DYNC1LI1: variants seen among roughly 807,000 people sequenced by gnomAD.
The protein encoded by DYNC1LI1 is dynein cytoplasmic 1 light intermediate chain 1, also known as cytoplasmic dynein 1 light intermediate chain 1.
In DYNC1LI1, 19 loss-of-function variants were observed where a neutral mutation model predicts 63.8. The ratio of observed to expected loss-of-function variants is 0.30; its 90% CI spans 0.21 to 0.44. The LOEUF is 0.44. Ranked by LOEUF, DYNC1LI1 falls within the 20% of genes least tolerant of loss-of-function variation. DYNC1LI1 has a pLI of 1.00. For synonymous variants in DYNC1LI1, 225 were observed against 232.3 expected (o/e 0.97, Z 0.28); for missense variants, 565 against 630.2 (o/e 0.90, Z 1.11).
At chr3:32,555,208 C>T (rs342728) in intron 2 of DYNC1LI1, among the ~76,000 whole-genome samples, 84,611 of 152,054 alleles carry the variant, frequency 0.56, 24,012 homozygotes, top group African/African-American at 0.65. Context: ...TTATAAACAT[C>T]TTAAGCCCAT....
intron 11 of DYNC1LI1, 79 bp downstream of exon 11, chr3:32,529,461 T>C (rs1418696465): frequency 2.9e-6 from 4 of 1,371,960 alleles, no homozygotes; most frequent in African/African-American, 1.5e-5. Flanking sequence ...AAAATAGTTA[T>C]GGCAAAAGGT....
intron 2 of DYNC1LI1, among the ~76,000 whole-genome samples, chr3:32,548,961 G>A (rs1005396146): frequency 4.6e-5 from 7 of 151,964 alleles, no homozygotes; most frequent in Middle Eastern, 6.8e-3. Flanking sequence ...AAGAAATTAG[G>A]TTTAAAAACA....
At chr3:32,549,869 C>T (rs1698008822) in intron 2 of DYNC1LI1, among the ~76,000 whole-genome samples, 1 of 152,082 alleles carries the variant, frequency 6.6e-6, no homozygotes, top group Non-Finnish European at 1.5e-5. Context: ...TTTATTTCAA[C>T]TTATTTCTTA....
In DYNC1LI1 at chr3:32,529,557, A is replaced by AT. The variant is rs748891796; in HGVS notation, c.1288dup (p.Ile430AsnfsTer2). The AT allele has an allele frequency of 1.2e-6, 2 of 1,601,820 alleles. No individual in the cohort carries two copies. The highest frequency in any genetic ancestry group is 2.1e-4 in the Middle Eastern group (1 of 4,774). ...AGATGTACCTTTCATGTTTGGATCA[A>AT]TTTTTTTTGACCCAGCAGGAATGGG... On this transcript the variant is annotated frameshift_variant, in exon 11 of 13. Transcript: ENST00000273130. LOFTEE classifies it high-confidence loss of function.
intron 2 of DYNC1LI1, among the ~76,000 whole-genome samples, chr3:32,551,052 C>T (rs1698031343): frequency 6.7e-6 from 1 of 149,618 alleles, no homozygotes; most frequent in African/African-American, 2.5e-5. Context: ...TAAACTAAGC[C>T]AAACACTAAG....
intron 4 of DYNC1LI1, among the ~76,000 whole-genome samples, chr3:32,543,157 C>A (rs917993106): frequency 6.6e-6 from 1 of 151,620 alleles, no homozygotes; most frequent in African/African-American, 2.4e-5. Flanking sequence ...CACAGTTCAA[C>A]AACTACTACT....
rs556985128 is a variant in DYNC1LI1 at position 32,540,681 on chromosome 3, C to CAA, written c.738+354_738+355dup. Among the ~76,000 whole-genome samples the CAA allele has an allele frequency of 2.1e-4, 11 of 52,608 alleles. No individual in the cohort carries two copies. The South Asian group carries it at 4.0e-3, about 19-fold the overall frequency. The allele number at this position is 52,608 out of a possible 152,430, so 34.5% of individuals were successfully genotyped here. A position where few individuals can be genotyped will look rare whatever the true frequency, so the allele number is the denominator to read the frequency against. On this transcript the variant is annotated intron_variant, in intron 5 of 12. Transcript: ENST00000273130. ...GGGCAACAAGAGCAAAACTCCGTCT[C>CAA]AAAAAAAAAAAAAAAAAAATTAATG... is the stretch of plus-strand genomic sequence containing the variant.
rs1024220445 is a variant in DYNC1LI1, at chr3:32,526,098, G to A, written c.*701C>T. On this transcript the variant is annotated 3_prime_UTR_variant, in exon 13 of 13. Coordinates refer to ENST00000273130, the MANE Select transcript of DYNC1LI1 (RefSeq NM_016141.4). The stretch of plus-strand genomic sequence containing the variant: ...ATATATATGTATAGACAAATCCAAA[G>A]ATTGTTACTTCTTTACATTTTAATA... 3.3e-5 allele frequency: 5 copies of A among 152,296 alleles called. No individual in the cohort carries two copies. The highest frequency in any genetic ancestry group is 6.6e-5 in the Admixed American group (1 of 15,244). The allele number at this position is 152,296 out of a possible 1,614,324, so 9.4% of individuals were successfully genotyped here.
intron 7 of DYNC1LI1, 34 bp downstream of exon 7, chr3:32,534,477 C>G (rs944197743): frequency 1.1e-5 from 16 of 1,436,838 alleles, no homozygotes; most frequent in Non-Finnish European, 1.5e-5. Context: ...AGCAATAATA[C>G]ATGATAAAAT....
At chr3:32,537,715 A>G (rs1697793384) in intron 5 of DYNC1LI1, among the ~76,000 whole-genome samples, 1 of 150,026 alleles carries the variant, frequency 6.7e-6, no homozygotes, top group African/African-American at 2.5e-5. Flanking sequence ...ATGCTAAGAA[A>G]AATACAAAAA....
intron 2 of DYNC1LI1, among the ~76,000 whole-genome samples, chr3:32,554,251 G>C (rs1698081510): frequency 6.6e-6 from 1 of 152,184 alleles, no homozygotes. Flanking sequence ...TTCTCTGCTA[G>C]AATTTTACAT....
chr3:32,526,586 C>T lies in DYNC1LI1; in HGVS notation c.*213G>A. On this transcript the variant is annotated 3_prime_UTR_variant, in exon 13 of 13. Transcript: ENST00000273130. ...TACTTTCTTATGCAAAATGGCAATG[C>T]AAACAGCAATCCTACATAATGTAGA... 2.7e-6 allele frequency: 1 copy of T among 367,086 alleles called. No homozygotes were observed. Among genetic ancestry groups the T allele is most frequent in the East Asian group, 4.2e-5 (1 of 23,968 alleles). The allele number at this position is 367,086 out of a possible 1,614,324, so 22.7% of individuals were successfully genotyped here.
intron 2 of DYNC1LI1, among the ~76,000 whole-genome samples, chr3:32,553,090 T>C (rs1014775678): frequency 6.6e-5 from 10 of 152,148 alleles, no homozygotes; most frequent in Admixed American, 4.6e-4. Context: ...CCTCAGCATT[T>C]TGGAAGGCCA....
chr3:32,540,090 C>T (rs1291215324), intron 5 of DYNC1LI1, among the ~76,000 whole-genome samples: 2 of 151,446 alleles, frequency 1.3e-5, no homozygotes, highest in East Asian at 2.0e-4. Context: ...AGGATGGTCT[C>T]GATCTCCTGA....
chr3:32,557,371 A>T (rs928359247), intron 2 of DYNC1LI1, among the ~76,000 whole-genome samples: 1 of 151,862 alleles, frequency 6.6e-6, no homozygotes, highest in African/African-American at 2.4e-5. Context: ...CAAAAAAAAA[A>T]TTAGCCAGGC....
At chr3:32,537,938 A>ATTTATATATATAT (rs71627023) in intron 5 of DYNC1LI1, among the ~76,000 whole-genome samples, 2 of 10,286 alleles carry the variant, frequency 1.9e-4, no homozygotes, top group South Asian at 1.8e-3. Context: ...TATATATATA[A>ATTTATATATATAT]TATATATATA....
At chr3:32,535,746 T>C (rs1455660873) in intron 6 of DYNC1LI1, among the ~76,000 whole-genome samples, 1 of 152,240 alleles carries the variant, frequency 6.6e-6, no homozygotes, top group Non-Finnish European at 1.5e-5. Flanking sequence ...GAACTGTCAC[T>C]GTCACTGATA....
intron 2 of DYNC1LI1, among the ~76,000 whole-genome samples, chr3:32,561,768 C>T (rs182234002): frequency 6.6e-6 from 1 of 150,966 alleles, no homozygotes; most frequent in Admixed American, 6.6e-5. Context: ...TGAGGTATAA[C>T]AATAATAATC....
intron 2 of DYNC1LI1, among the ~76,000 whole-genome samples, chr3:32,559,879 T>C (rs535340678): frequency 6.6e-6 from 1 of 152,320 alleles, no homozygotes; most frequent in East Asian, 1.9e-4. Context: ...TTCACTGAAC[T>C]ACCTGTGGCG....
Sources: gnomAD v4.1 joint callset for allele counts (sites outside exome capture counted in the v4.1 genomes callset) on GRCh38, gnomAD v4.1.1 for gene constraint, MANE v1.5 for transcripts, NCBI Gene and HGNC (gene_info 2026-07-23, HGNC 2026-07-21) for gene names.